Variants in GRM7 observed in about 807,000 individuals in gnomAD.
GRM7 encodes the protein metabotropic glutamate receptor 7.
Under a neutral mutation model 84.5 loss-of-function variants are expected in GRM7, and 35 were observed. The observed-to-expected ratio is 0.41, with a 90% CI of 0.32 to 0.55. GRM7 has a LOEUF of 0.55. Ranked by LOEUF, GRM7 falls within the 20% of genes least tolerant of loss-of-function variation. The probability of loss-of-function intolerance (pLI) is 0.19; values close to 1 mark genes in which losing one functional copy is unlikely to be tolerated. For synonymous variants in GRM7, 487 were observed against 455.1 expected, an observed-to-expected ratio of 1.07 and a Z score of -0.89; for missense variants, 1,003 against 1,194.6, an observed-to-expected ratio of 0.84 and a Z score of 2.36.
chr3:7,313,140 G>T lies in GRM7; in HGVS notation c.1033+6488G>T, dbSNP rs535153845. 2.9e-3 allele frequency among the ~76,000 whole-genome samples: 441 copies of T among 151,906 alleles called. 3 individuals are homozygous for T. The highest frequency in any genetic ancestry group is 0.01 in the African/African-American group (415 of 41,458). ...GATGGGGTTTCACCATGTTGGTCAG[G>T]CTGGTCTCAAACTCCTGACCTCAGG... On this transcript the variant is annotated intron_variant, in intron 4 of 9. Transcript: ENST00000357716.
intron 1 of GRM7, among the ~76,000 whole-genome samples, chr3:7,098,807 G>C (rs182312292): frequency 2.6e-5 from 4 of 152,040 alleles, no homozygotes; most frequent in Admixed American, 2.6e-4. Context: ...TAGAATGTCA[G>C]GTTATGCGTC....
intron 2 of GRM7, among the ~76,000 whole-genome samples, chr3:7,192,097 C>G (rs1046057183): frequency 2.6e-5 from 4 of 152,026 alleles, no homozygotes; most frequent in African/African-American, 4.8e-5. Flanking sequence ...GTAATGCGAG[C>G]TAAGGCTGGA....
intron 2 of GRM7, among the ~76,000 whole-genome samples, chr3:7,257,895 G>A (rs111922261): frequency 0.013 from 1,911 of 152,128 alleles, 46 homozygotes; most frequent in African/African-American, 0.044. Flanking sequence ...TGGGTGATTA[G>A]CCTCAAGAAA....
At chr3:7,448,236 A>G (rs1697610548) in intron 5 of GRM7, among the ~76,000 whole-genome samples, 1 of 151,550 alleles carries the variant, frequency 6.6e-6, no homozygotes, top group Non-Finnish European at 1.5e-5. Context: ...TTATAGCAGC[A>G]TGATTTATAG....
intron 7 of GRM7, among the ~76,000 whole-genome samples, chr3:7,475,504 T>C (rs1698885692): frequency 6.6e-6 from 1 of 152,184 alleles, no homozygotes; most frequent in South Asian, 2.1e-4. Flanking sequence ...TGGCTTTAAG[T>C]GCCGTTTACA....
In GRM7 at chr3:6,862,731, C is replaced by G. The variant is rs1016332916; in HGVS notation, c.519+824C>G. 11 of 281,974 alleles carry G rather than the reference C, an allele frequency of 3.9e-5. No individual in the cohort carries two copies. The highest frequency in any genetic ancestry group is 6.9e-5 in the African/African-American group (3 of 43,224). 17.5% of individuals were successfully genotyped at this position (281,974 alleles called of 1,614,324 possible). A position where few individuals can be genotyped will look rare whatever the true frequency, so the allele number is the denominator to read the frequency against. On this transcript the variant is annotated intron_variant, in intron 1 of 9. Coordinates refer to ENST00000357716, the MANE Select transcript of GRM7 (RefSeq NM_000844.4). The surrounding 1 kb of genome is among the most constrained non-coding windows in gnomAD (Gnocchi z 5.2). The stretch of plus-strand genomic sequence containing the variant: ...CCTGCCTCCTCCCTCCTCCCCCCCG[C>G]CCCCCTCACCCACTATCTCCCTGAC...
At chr3:7,270,089 A>T (rs1308488584) in intron 2 of GRM7, among the ~76,000 whole-genome samples, 1 of 152,210 alleles carries the variant, frequency 6.6e-6, no homozygotes, top group Non-Finnish European at 1.5e-5. Flanking sequence ...AGGCCATAGC[A>T]TTTACATTTC....
At chr3:6,885,204 C>T (rs1048070137) in intron 1 of GRM7, among the ~76,000 whole-genome samples, 4 of 152,132 alleles carry the variant, frequency 2.6e-5, no homozygotes, top group Admixed American at 6.5e-5. Flanking sequence ...TGTTAAACAA[C>T]GACTTTTATT....
At chr3:7,708,996 T>A (rs1194665826) in intron 9 of GRM7, among the ~76,000 whole-genome samples, 1 of 152,018 alleles carries the variant, frequency 6.6e-6, no homozygotes, top group East Asian at 1.9e-4. Flanking sequence ...TCACCAGGTC[T>A]TGTTGCTTTT....
chr3:7,270,761 G>A (rs984610020), intron 2 of GRM7, among the ~76,000 whole-genome samples: 6 of 152,314 alleles, frequency 3.9e-5, no homozygotes, highest in East Asian at 3.9e-4. Context: ...AAGTAGTGAA[G>A]AGGAAATGGT....
At chr3:7,698,351 GTGTACTTAATA>G (rs1701100705) in intron 9 of GRM7, among the ~76,000 whole-genome samples, 1 of 152,192 alleles carries the variant, frequency 6.6e-6, no homozygotes, top group Non-Finnish European at 1.5e-5. Context: ...CCACTATTCT[GTGTACTTAATA>G]TGTATTAGCT....
chr3:7,198,213 T>G (rs373979784), intron 2 of GRM7, among the ~76,000 whole-genome samples: 1 of 151,220 alleles, frequency 6.6e-6, no homozygotes, highest in African/African-American at 2.4e-5. Context: ...GGAGATATAA[T>G]TGGTCTGGCT....
At chr3:7,468,230 T>C (rs950299557) in intron 7 of GRM7, among the ~76,000 whole-genome samples, 4 of 152,228 alleles carry the variant, frequency 2.6e-5, no homozygotes, top group South Asian at 2.1e-4. Flanking sequence ...GAGAAAAATA[T>C]GTAAGGTGTC....
chr3:7,281,175 C>T (rs533855742), intron 2 of GRM7, among the ~76,000 whole-genome samples: 12 of 152,040 alleles, frequency 7.9e-5, no homozygotes, highest in African/African-American at 2.9e-4. Flanking sequence ...AAGTATGAAA[C>T]GTAGGAAATA....
At chr3:7,339,128 A>G (rs978018389) in intron 4 of GRM7, among the ~76,000 whole-genome samples, 2 of 152,118 alleles carry the variant, frequency 1.3e-5, no homozygotes, top group Non-Finnish European at 1.5e-5. Context: ...CTAGGTAGGG[A>G]TATGATTACA....
At chr3:7,568,925 C>T (rs924396495) in intron 7 of GRM7, among the ~76,000 whole-genome samples, 1 of 152,120 alleles carries the variant, frequency 6.6e-6, no homozygotes, top group Admixed American at 6.5e-5. Context: ...GAGCGCCGCC[C>T]CCTGCTCCAC....
intron 7 of GRM7, among the ~76,000 whole-genome samples, chr3:7,534,283 T>G (rs779750): frequency 0.62 from 93,493 of 152,004 alleles, 29,717 homozygotes; most frequent in African/African-American, 0.79. Flanking sequence ...CAAAGTGCTG[T>G]GATTACAGGC....
chr3:7,294,376 G>C (rs546383582), intron 2 of GRM7, among the ~76,000 whole-genome samples: 1 of 152,178 alleles, frequency 6.6e-6, no homozygotes. Context: ...ACAGTTTGCA[G>C]ATGGTTTCAT....
chr3:6,921,848 A>C (rs746844549), intron 1 of GRM7, among the ~76,000 whole-genome samples: 2 of 152,164 alleles, frequency 1.3e-5, no homozygotes, highest in African/African-American at 4.8e-5. Flanking sequence ...ATCACAGATG[A>C]CTAGAACACA....
Sources: gnomAD v4.1 joint callset for allele counts (sites outside exome capture counted in the v4.1 genomes callset) on GRCh38, gnomAD v4.1.1 for gene constraint, Gnocchi (gnomAD v3.1) non-coding constraint, MANE v1.5 for transcripts, NCBI Gene and HGNC (gene_info 2026-07-23, HGNC 2026-07-21) for gene names.